Variants in POLG2 observed in about 807,000 individuals in gnomAD.
The protein encoded by POLG2 is DNA polymerase gamma 2, accessory subunit, also known as DNA polymerase subunit gamma-2.
A neutral mutation model predicts 56.5 loss-of-function variants in POLG2; 50 were observed. That is an observed-to-expected ratio of 0.88 (90% CI 0.71 to 1.12). The LOEUF (loss-of-function observed/expected upper bound fraction) is 1.12, where lower values mean the gene tolerates loss of function less well. Ranked by LOEUF, POLG2 falls within the 50% of genes most tolerant of loss-of-function variation. POLG2 has a pLI of 0.00. For synonymous variants in POLG2, 226 were observed against 222.6 expected (o/e 1.02, Z -0.14); for missense variants, 584 against 583.3 (o/e 1.00, Z -0.01).
intron 7 of POLG2, 84 bp from the exon 8 acceptor site, chr17:64,478,072 C>A: frequency 7.1e-7 from 1 of 1,400,480 alleles, no homozygotes; most frequent in South Asian, 1.2e-5. Context: ...ATTCAGTGTT[C>A]ATGCACTCTC....
rs752445466 is a variant in POLG2, at chr17:64,491,484, C to T, written c.796-515G>A. On this transcript the variant is annotated intron_variant, in intron 3 of 7. Coordinates refer to ENST00000539111, the MANE Select transcript of POLG2 (RefSeq NM_007215.4). ...GTGATTGTGCAACGGCAGTCCAGCC[C>T]GGGCAAAAGAGTGAGACTATGTCTC... 4.9e-5 allele frequency: 64 copies of T among 1,309,192 alleles called. 1 individual carries two copies. Among genetic ancestry groups the T allele is most frequent in the Admixed American group, 7.0e-5 (4 of 57,136 alleles). The allele number at this position is 1,309,192 out of a possible 1,614,324, so 81.1% of individuals were successfully genotyped here.
At chr17:64,485,187 ATTTCT>A (rs2037930091) in intron 5 of POLG2, 1 of 154,668 alleles carries the variant, frequency 6.5e-6, no homozygotes, top group African/African-American at 2.4e-5. Context: ...CCCATTAATC[ATTTCT>A]TTTCTCTCCT....
chr17:64,495,177 C>CAAAAAAA (rs782184151), intron 1 of POLG2, among the ~76,000 whole-genome samples: 5,382 of 118,834 alleles, frequency 0.045, 350 homozygotes, highest in African/African-American at 0.12. Flanking sequence ...GACTCTGTCT[C>CAAAAAAA]AAAAAAAAAA....
chr17:64,480,219 T>G (rs2037833877), intron 7 of POLG2, 70 bp downstream of exon 7: 1 of 482,168 alleles, frequency 2.1e-6, no homozygotes, highest in African/African-American at 2.1e-5. Flanking sequence ...AGAGATTTGT[T>G]TCTGTAATTC....
In POLG2 at chr17:64,484,450, A is replaced by G. The variant is rs1359671909; in HGVS notation, c.1110+1278T>C. Among the ~76,000 whole-genome samples, 6 of 152,178 alleles carry G rather than the reference A, an allele frequency of 3.9e-5. 1 individual carries two copies. The highest frequency in any genetic ancestry group is 2.0e-4 in the Admixed American group (3 of 15,282). On this transcript the variant is annotated intron_variant, in intron 5 of 7. Transcript: ENST00000539111. ...GAGTGAGGTGGAGAACAGCAGATCA[A>G]AAAGAGGGCTTCGGTTTTTCCTGAG...
In POLG2 at chr17:64,489,931, GT is replaced by G. The variant is rs782470895; in HGVS notation, c.969+864del. ...TTATTAATTACTAGTTAATTTTTTT[GT>G]TTTTTTTTTTTGAGACAGAGTCTCG... On this transcript the variant is annotated intron_variant, in intron 4 of 7. Transcript: ENST00000539111. 9.4e-4 allele frequency among the ~76,000 whole-genome samples: 135 copies of G among 143,406 alleles called. No individual in the cohort carries two copies. The East Asian group carries it at 0.015, about 15-fold the overall frequency. 94.1% of individuals were successfully genotyped at this position (143,406 alleles called of 152,430 possible).
At chr17:64,493,633 C>T (rs1163688302) in intron 1 of POLG2, among the ~76,000 whole-genome samples, 8 of 151,944 alleles carry the variant, frequency 5.3e-5, no homozygotes, top group African/African-American at 7.3e-5. Context: ...TACAGGCGCC[C>T]GCCACCACGC....
chr17:64,493,259 T>C (rs2038094493), intron 1 of POLG2, among the ~76,000 whole-genome samples: 1 of 151,866 alleles, frequency 6.6e-6, no homozygotes, highest in Non-Finnish European at 1.5e-5. Flanking sequence ...TCTCTAAAAA[T>C]ATACAAAAAT....
intron 7 of POLG2, among the ~76,000 whole-genome samples, chr17:64,479,584 A>T (rs1463238660): frequency 2.0e-5 from 3 of 152,046 alleles, no homozygotes; most frequent in Non-Finnish European, 4.4e-5. Context: ...CAAAAAGCTT[A>T]AAAAAAATAA....
chr17:64,480,983 C>CAA (rs1555666393), intron 6 of POLG2, among the ~76,000 whole-genome samples: 1 of 152,192 alleles, frequency 6.6e-6, no homozygotes, highest in Admixed American at 6.6e-5. Flanking sequence ...TAACTGTTTT[C>CAA]TTTACAAGCA....
intron 4 of POLG2, among the ~76,000 whole-genome samples, chr17:64,488,793 C>A (rs1042559728): frequency 6.6e-6 from 1 of 151,936 alleles, no homozygotes; most frequent in Non-Finnish European, 1.5e-5. Flanking sequence ...TATGGTGAAA[C>A]CCTGTCTCTA....
At chr17:64,485,381 C>G (rs1309582391) in intron 5 of POLG2, 1 of 294,370 alleles carries the variant, frequency 3.4e-6, no homozygotes, top group African/African-American at 2.3e-5. Context: ...GCACAGGTCT[C>G]CCTGATCCGG....
chr17:64,497,035 T>C lies in POLG2; in HGVS notation c.-67A>G, dbSNP rs569460394. 6.7e-6 allele frequency: 10 copies of C among 1,490,992 alleles called. No individual in the cohort carries two copies. The East Asian group carries it at 9.0e-5, about 13-fold the overall frequency. The allele number at this position is 1,490,992 out of a possible 1,614,324, so 92.4% of individuals were successfully genotyped here. The stretch of plus-strand genomic sequence containing the variant: ...GGATCCCAACAAGCCACCACTACCG[T>C]TAACAGAATCCGGAGAGGCCACGGC... On this transcript the variant is annotated 5_prime_UTR_variant, in exon 1 of 8. Coordinates refer to ENST00000539111, the MANE Select transcript of POLG2 (RefSeq NM_007215.4).
At chr17:64,491,770 G>A (rs181630778) in intron 3 of POLG2, 49 of 642,136 alleles carry the variant, frequency 7.6e-5, no homozygotes, top group Admixed American at 5.6e-4. Context: ...AAGCACGAGC[G>A]GCTATGCAAG....
chr17:64,490,782 C>T lies in POLG2; in HGVS notation c.969+14G>A. ...CTGGGTAAAAAATACATAGGAGCTC[C>T]AGGTAAAACATACATGTAATTTAGA... On this transcript the variant is annotated intron_variant, in intron 4 of 7. Transcript: ENST00000539111. The T allele has an allele frequency of 1.2e-6, 2 of 1,600,710 alleles. No individual in the cohort carries two copies. Among genetic ancestry groups the T allele is most frequent in the Non-Finnish European group, 1.7e-6 (2 of 1,167,854 alleles).
rs187010962 is a variant in POLG2 at position 64,481,648 on chromosome 17, G to A, written c.1192-1259C>T. Reference sequence around the variant, plus strand: ...AGCACGTTGGGAGGCCGAGGTGGGCGGATCACTTGAGGTCAGGAGTTGGAG... The same window carrying A: ...AGCACGTTGGGAGGCCGAGGTGGGCAGATCACTTGAGGTCAGGAGTTGGAG... On this transcript the variant is annotated intron_variant, in intron 6 of 7. Coordinates refer to ENST00000539111, the MANE Select transcript of POLG2 (RefSeq NM_007215.4). 3.1e-3 allele frequency among the ~76,000 whole-genome samples: 464 copies of A among 152,108 alleles called. 2 individuals carry two copies. The highest frequency in any genetic ancestry group is 0.01 in the African/African-American group (431 of 41,496).
At chr17:64,488,657 C>A (rs1427877790) in intron 4 of POLG2, among the ~76,000 whole-genome samples, 1 of 152,208 alleles carries the variant, frequency 6.6e-6, no homozygotes, top group Non-Finnish European at 1.5e-5. Context: ...CAATAAGTTT[C>A]ATTTGAGAGC....
At chr17:64,486,077 A>G (rs189037263) in intron 4 of POLG2, among the ~76,000 whole-genome samples, 1 of 152,140 alleles carries the variant, frequency 6.6e-6, no homozygotes, top group African/African-American at 2.4e-5. Context: ...TCAGAATACA[A>G]AAGTAAAGTT....
intron 1 of POLG2, among the ~76,000 whole-genome samples, chr17:64,493,929 A>G (rs1410491151): frequency 6.6e-6 from 1 of 152,178 alleles, no homozygotes; most frequent in Non-Finnish European, 1.5e-5. Context: ...TGCCGCATAC[A>G]TCTTCTAAAA....
Sources: gnomAD v4.1 joint callset for allele counts (sites outside exome capture counted in the v4.1 genomes callset) on GRCh38, gnomAD v4.1.1 for gene constraint, MANE v1.5 for transcripts, NCBI Gene and HGNC (gene_info 2026-07-23, HGNC 2026-07-21) for gene names.